CNTLN: variants seen among roughly 807,000 people sequenced by gnomAD.
CNTLN encodes centlein, centrosomal protein.
CNTLN carries 212 observed loss-of-function variants against 180.0 expected under a neutral mutation model. The ratio of observed to expected loss-of-function variants is 1.18; its 90% CI spans 1.05 to 1.32. The LOEUF (loss-of-function observed/expected upper bound fraction) is 1.32, where lower values mean the gene tolerates loss of function less well. CNTLN is among the 40% of genes most tolerant of loss of function. The probability of loss-of-function intolerance (pLI) is 0.00; values close to 1 mark genes in which losing one functional copy is unlikely to be tolerated. For missense variants in CNTLN, 2,095 were observed against 1,610.9 expected, an observed-to-expected ratio of 1.30 and a Z score of -5.14; for synonymous variants, 722 against 563.1, an observed-to-expected ratio of 1.28 and a Z score of -3.99.
At chr9:17,277,851 G>T (rs1828412146) in intron 6 of CNTLN, among the ~76,000 whole-genome samples, 1 of 152,102 alleles carries the variant, frequency 6.6e-6, no homozygotes, top group African/African-American at 2.4e-5. Flanking sequence ...AATAGAAGGT[G>T]TAATATATTC....
chr9:17,366,404 A>G (rs1354851888), intron 12 of CNTLN, among the ~76,000 whole-genome samples: 2 of 152,136 alleles, frequency 1.3e-5, no homozygotes, highest in East Asian at 3.9e-4. Flanking sequence ...TTGGCTTTCT[A>G]AAATGCTGGA....
At chr9:17,237,542 A>T (rs944783826) in intron 5 of CNTLN, among the ~76,000 whole-genome samples, 2 of 152,200 alleles carry the variant, frequency 1.3e-5, no homozygotes, top group Non-Finnish European at 2.9e-5. Context: ...TAAAAGATAC[A>T]GTATAACAAC....
intron 13 of CNTLN, among the ~76,000 whole-genome samples, chr9:17,383,285 T>G (rs1189901348): frequency 1.3e-5 from 2 of 152,038 alleles, no homozygotes; most frequent in Non-Finnish European, 2.9e-5. Flanking sequence ...TCCCAAGATT[T>G]TGAGAGGCTG....
chr9:17,190,821 T>C (rs1821745749), intron 2 of CNTLN, among the ~76,000 whole-genome samples: 1 of 152,180 alleles, frequency 6.6e-6, no homozygotes, highest in Admixed American at 6.5e-5. Flanking sequence ...ATTATAATTA[T>C]AGCAATTAAG....
At chr9:17,358,209 A>G (rs1043727078) in intron 12 of CNTLN, among the ~76,000 whole-genome samples, 1 of 152,080 alleles carries the variant, frequency 6.6e-6, no homozygotes, top group Admixed American at 6.6e-5. Context: ...AACAATTAGA[A>G]GCAATCTAAA....
intron 1 of CNTLN, among the ~76,000 whole-genome samples, chr9:17,140,038 C>T (rs898927741): frequency 1.3e-5 from 2 of 152,024 alleles, no homozygotes; most frequent in African/African-American, 4.8e-5. Flanking sequence ...CTTTAAGTGC[C>T]TGAAGGAAGG....
intron 6 of CNTLN, among the ~76,000 whole-genome samples, chr9:17,288,794 T>C (rs574593471): frequency 7.4e-6 from 1 of 135,210 alleles, no homozygotes; most frequent in South Asian, 2.8e-4. Context: ...TCTTTGTTGG[T>C]TTAAAGTCTG....
Position 17,395,152 on chromosome 9 carries a change from A to G in CNTLN, c.2615+83A>G, listed in dbSNP as rs952739685. On this transcript the variant is annotated intron_variant, in intron 15 of 25. Transcript: ENST00000380647. ...AGCAAATGGAGATTGAATTTCAACT[A>G]CTGTCGATTTGGTATTCAGAAAAAA... The G allele has an allele frequency of 1.4e-5, 20 of 1,479,190 alleles. No individual in the cohort carries two copies. The African/African-American group carries it at 2.0e-4, about 15-fold the overall frequency. 91.6% of individuals were successfully genotyped at this position (1,479,190 alleles called of 1,614,324 possible). A position where few individuals can be genotyped will look rare whatever the true frequency, so the allele number is the denominator to read the frequency against.
chr9:17,522,130 T>A, the CNTLN span, among the ~76,000 whole-genome samples: 1 of 152,146 alleles, frequency 6.6e-6, no homozygotes, highest in African/African-American at 2.4e-5. Flanking sequence ...TCCTATGACA[T>A]AGGACTACCT....
At chr9:17,215,263 C>T (rs1563889874) in intron 2 of CNTLN, among the ~76,000 whole-genome samples, 2 of 152,186 alleles carry the variant, frequency 1.3e-5, no homozygotes, top group Non-Finnish European at 2.9e-5. Context: ...GTTAGTTCTC[C>T]TTCTAACAGT....
intron 23 of CNTLN, among the ~76,000 whole-genome samples, chr9:17,467,412 C>G (rs2134217352): frequency 6.6e-6 from 1 of 151,738 alleles, no homozygotes; most frequent in Non-Finnish European, 1.5e-5. Context: ...CCTAGAAAGC[C>G]TTCATTCCCC....
At chr9:17,150,243 G>T (rs1330577813) in intron 2 of CNTLN, among the ~76,000 whole-genome samples, 1 of 152,134 alleles carries the variant, frequency 6.6e-6, no homozygotes, top group East Asian at 1.9e-4. Flanking sequence ...TGTCCTGAAT[G>T]GTATTGCCCA....
At position 17,309,074 on chromosome 9, in the gene CNTLN, A is replaced by C; in HGVS notation, c.1163A>C (p.His388Pro). ...TTGAAACAGCTTTACAATGAGTTAC[A>C]TATTTGTTTTGAAACCACAAAATCA... ...ISYQKLYNEL[H>P]ICFETTKSNE... Residue 388 changes from histidine to proline, a missense_variant, in exon 8 of 26, where the codon CAT becomes CCT. By Grantham distance (77) the His-to-Pro change is moderately conservative. Coordinates refer to ENST00000380647, the MANE Select transcript of CNTLN (RefSeq NM_017738.4). 1 of 1,587,470 alleles carries C rather than the reference A, an allele frequency of 6.3e-7. No individual in the cohort carries two copies. Among genetic ancestry groups the C allele is most frequent in the Non-Finnish European group, 8.5e-7 (1 of 1,171,870 alleles).
intron 2 of CNTLN, among the ~76,000 whole-genome samples, chr9:17,165,309 C>T (rs1238259353): frequency 6.6e-6 from 1 of 152,082 alleles, no homozygotes; most frequent in African/African-American, 2.4e-5. Context: ...ATCTTTACCT[C>T]CTCCCCAAAT....
At position 17,409,303 on chromosome 9, in the gene CNTLN, G is replaced by C; in HGVS notation, c.2626G>C (p.Glu876Gln). 6.2e-7 allele frequency: 1 copy of C among 1,609,136 alleles called. No individual in the cohort carries two copies. The highest frequency in any genetic ancestry group is 8.5e-7 in the Non-Finnish European group (1 of 1,178,744). ...CTTTTTTCTAAAAAGCAGTGATTCT[G>C]AAGCACAGACCTCTCAAACTTTGGG... is the stretch of plus-strand genomic sequence containing the variant. ...EDVSESSSDS[E>Q]AQTSQTLGTI... Residue 876 changes from glutamate to glutamine, a missense_variant, in exon 16 of 26, where the codon GAA becomes CAA. Coordinates refer to ENST00000380647, the MANE Select transcript of CNTLN (RefSeq NM_017738.4).
At chr9:17,515,663 G>A in the CNTLN span, among the ~76,000 whole-genome samples, 1 of 152,016 alleles carries the variant, frequency 6.6e-6, no homozygotes, top group South Asian at 2.1e-4. Flanking sequence ...TCAATGTATC[G>A]GGAAATTCTA....
At chr9:17,492,756 A>T (rs1433013885) in intron 25 of CNTLN, among the ~76,000 whole-genome samples, 1 of 152,180 alleles carries the variant, frequency 6.6e-6, no homozygotes, top group Non-Finnish European at 1.5e-5. Context: ...AAAGAATTGG[A>T]AGCAGGAACT....
intron 2 of CNTLN, chr9:17,168,578 A>G (rs1158195165): frequency 1.3e-5 from 2 of 152,154 alleles, no homozygotes; most frequent in Non-Finnish European, 2.9e-5. Flanking sequence ...CTGATTCTGT[A>G]TGTGATCTTC....
rs1440662774 is a variant in CNTLN, at chr9:17,273,803, C to T, written c.920C>T (p.Ser307Leu). 2.5e-6 allele frequency: 4 copies of T among 1,573,142 alleles called. No individual in the cohort carries two copies. Among genetic ancestry groups the T allele is most frequent in the South Asian group, 2.4e-5 (2 of 84,488 alleles). Residue 307 changes from serine to leucine, a missense_variant, in exon 6 of 26, where the codon TCA becomes TTA. Transcript: ENST00000380647. ...TCACAGAGTAAATACAATGCTCTAT[C>T]ATTACAGTTGAGTAATAAACAGACT... is the stretch of plus-strand genomic sequence containing the variant. Reference protein sequence around the residue: ...EVSQSKYNALSLQLSNKQTEL... With the variant: ...EVSQSKYNALLLQLSNKQTEL...
Sources: allele counts gnomAD v4.1 joint callset (sites outside exome capture counted in the v4.1 genomes callset), GRCh38; gene constraint gnomAD v4.1.1; transcripts MANE v1.5; gene names NCBI Gene and HGNC (gene_info 2026-07-23, HGNC 2026-07-21).